Variants in FGF14 observed in about 807,000 individuals in gnomAD.
The protein encoded by FGF14 is fibroblast growth factor 14, also known as fibroblast growth factor homologous factor 4.
FGF14 carries 5 observed loss-of-function variants against 25.5 expected under a neutral mutation model. That is an observed-to-expected ratio of 0.20 (90% confidence interval 0.10 to 0.41). The LOEUF is 0.41. Among genes scored for constraint, FGF14 ranks in the 10% least tolerant of loss-of-function variants. The pLI, the probability that FGF14 is intolerant of heterozygous loss-of-function variation, is 1.00. For synonymous variants in FGF14, 138 were observed against 118.3 expected (o/e 1.17, Z -1.08); for missense variants, 222 against 320.1 (o/e 0.69, Z 2.34).
At chr13:102,284,344 G>A (rs1377043115) in intron 1 of FGF14, among the ~76,000 whole-genome samples, 4 of 152,050 alleles carry the variant, frequency 2.6e-5, no homozygotes, top group Admixed American at 1.3e-4. Context: ...TGTTGATGAC[G>A]GGAATGACTT....
intron 1 of FGF14, among the ~76,000 whole-genome samples, chr13:101,945,069 G>A (rs1288197171): frequency 2.0e-5 from 3 of 152,098 alleles, no homozygotes; most frequent in East Asian, 1.9e-4. Flanking sequence ...TAATCCCAGC[G>A]CTTTGGGAGG....
chr13:101,802,970 C>T (rs1007071089), intron 3 of FGF14, among the ~76,000 whole-genome samples: 24 of 152,154 alleles, frequency 1.6e-4, no homozygotes, highest in African/African-American at 4.8e-4. Flanking sequence ...TGAGGCTGGA[C>T]CTGCTGCCAC....
chr13:102,003,541 C>G (rs1177524136), intron 1 of FGF14, among the ~76,000 whole-genome samples: 1 of 152,066 alleles, frequency 6.6e-6, no homozygotes, highest in East Asian at 1.9e-4. Context: ...CCATAGGCCA[C>G]AAGATAAGCT....
chr13:101,772,684 G>A (rs1280299965), intron 3 of FGF14, among the ~76,000 whole-genome samples: 2 of 152,164 alleles, frequency 1.3e-5, no homozygotes, highest in South Asian at 2.1e-4. Flanking sequence ...TGGCAATGAA[G>A]CAATGTTAAG....
chr13:101,981,682 A>G (rs9557775), intron 1 of FGF14, among the ~76,000 whole-genome samples: 49,693 of 151,942 alleles, frequency 0.33, 8,892 homozygotes, highest in East Asian at 0.71. Flanking sequence ...AACCCTCGAA[A>G]TTATACTAGG....
intron 1 of FGF14, among the ~76,000 whole-genome samples, chr13:102,154,283 A>G (rs1000823613): frequency 6.6e-6 from 1 of 152,150 alleles, no homozygotes; most frequent in South Asian, 2.1e-4. Context: ...TGGGTTACCC[A>G]CAAAGGGAAG....
At chr13:101,849,400 A>G (rs190592657) in intron 3 of FGF14, among the ~76,000 whole-genome samples, 19 of 152,122 alleles carry the variant, frequency 1.2e-4, no homozygotes, top group African/African-American at 4.6e-4. Flanking sequence ...CTAGTTGTCT[A>G]CCATTAATTT....
chr13:102,297,722 T>TA lies in FGF14; in HGVS notation c.208+103748dup, dbSNP rs35977029. 1.9e-3 allele frequency among the ~76,000 whole-genome samples: 276 copies of TA among 145,934 alleles called. 3 individuals are homozygous for TA. The highest frequency in any genetic ancestry group is 3.5e-3 in the Middle Eastern group (1 of 286). On this transcript the variant is annotated intron_variant, in intron 1 of 4. Coordinates refer to the FGF14 transcript ENST00000376131. ...GCAATACAGCAAGATCCTACCTCTATAAAAAAAAAAAAACAATCAAAAAAT... is the reference window on the plus strand; with the variant it reads ...GCAATACAGCAAGATCCTACCTCTATAAAAAAAAAAAAAACAATCAAAAAAT...
intron 1 of FGF14, among the ~76,000 whole-genome samples, chr13:102,344,975 C>G (rs2057060810): frequency 6.6e-6 from 1 of 152,136 alleles, no homozygotes; most frequent in African/African-American, 2.4e-5. Flanking sequence ...GGATGTTCTT[C>G]TAGAACATGA....
chr13:102,047,577 G>A (rs1283065477), intron 1 of FGF14, among the ~76,000 whole-genome samples: 1 of 152,074 alleles, frequency 6.6e-6, no homozygotes, highest in Non-Finnish European at 1.5e-5. Context: ...ACTATCGCAA[G>A]GACAAAAAAC....
At chr13:102,387,975 G>A (rs946639485) in intron 1 of FGF14, among the ~76,000 whole-genome samples, 6 of 152,042 alleles carry the variant, frequency 3.9e-5, no homozygotes, top group East Asian at 1.9e-4. Flanking sequence ...TGATCCACAC[G>A]CCTCAGCCTC....
intron 3 of FGF14, among the ~76,000 whole-genome samples, chr13:101,836,161 C>A (rs1054940948): frequency 1.3e-5 from 2 of 151,938 alleles, no homozygotes; most frequent in Non-Finnish European, 2.9e-5. Context: ...AAAGACTGAG[C>A]AATTTGAAGT....
chr13:102,291,252 T>C (rs939206714), intron 1 of FGF14, among the ~76,000 whole-genome samples: 1 of 152,212 alleles, frequency 6.6e-6, no homozygotes, highest in Non-Finnish European at 1.5e-5. Flanking sequence ...TCATGAACCA[T>C]CATTTACAAG....
At chr13:102,139,957 T>C (rs2046571673) in intron 1 of FGF14, among the ~76,000 whole-genome samples, 2 of 151,812 alleles carry the variant, frequency 1.3e-5, no homozygotes, top group African/African-American at 4.9e-5. Context: ...ACACAGTGGA[T>C]TGAAAATATC....
intron 3 of FGF14, among the ~76,000 whole-genome samples, chr13:101,844,910 C>T (rs867080456): frequency 1.4e-4 from 21 of 151,964 alleles, no homozygotes; most frequent in African/African-American, 3.6e-4. Flanking sequence ...CCCCTGACAT[C>T]GTAGGAATTT....
intron 3 of FGF14, among the ~76,000 whole-genome samples, chr13:101,746,519 T>C (rs551485656): frequency 1.3e-5 from 2 of 152,148 alleles, no homozygotes; most frequent in African/African-American, 4.8e-5. Context: ...TTCAATATGT[T>C]CATATACTCC....
intron 3 of FGF14, among the ~76,000 whole-genome samples, chr13:101,832,579 G>C (rs1392876326): frequency 6.6e-6 from 1 of 151,928 alleles, no homozygotes; most frequent in Non-Finnish European, 1.5e-5. Context: ...AGCATGGTTG[G>C]CATTTTCAAC....
chr13:101,933,217 T>C (rs1417681716), intron 1 of FGF14, among the ~76,000 whole-genome samples: 5 of 152,198 alleles, frequency 3.3e-5, no homozygotes, highest in African/African-American at 4.8e-5. Context: ...AAGTTATCGA[T>C]ATCCCTTTTC....
intron 3 of FGF14, among the ~76,000 whole-genome samples, chr13:101,808,628 C>T (rs2041331842): frequency 1.3e-5 from 2 of 151,980 alleles, no homozygotes; most frequent in South Asian, 4.1e-4. Context: ...ATAACTTGGC[C>T]TCTCTTGTTG....
Sources: allele counts gnomAD v4.1 joint callset (sites outside exome capture counted in the v4.1 genomes callset), GRCh38; gene constraint gnomAD v4.1.1; transcripts MANE v1.5; gene names NCBI Gene and HGNC (gene_info 2026-07-23, HGNC 2026-07-21).